SLC24A3: variants seen among roughly 807,000 people sequenced by gnomAD.
SLC24A3 encodes sodium/potassium/calcium exchanger 3.
SLC24A3 carries 28 observed loss-of-function variants against 75.8 expected under a neutral mutation model. The ratio of observed to expected loss-of-function variants is 0.37; its 90% CI spans 0.27 to 0.51. SLC24A3 has a LOEUF of 0.51. SLC24A3 is among the 20% of genes least tolerant of loss of function. SLC24A3 has a pLI of 0.94. For missense variants in SLC24A3, 663 were observed against 847.8 expected, an observed-to-expected ratio of 0.78 and a Z score of 2.71; for synonymous variants, 372 against 334.1, an observed-to-expected ratio of 1.11 and a Z score of -1.24.
At chr20:19,585,402 G>A in intron 5 of SLC24A3, 39 bp from the exon 6 acceptor site, 2 of 1,591,542 alleles carry the variant, frequency 1.3e-6, no homozygotes, top group Non-Finnish European at 1.7e-6. Flanking sequence ...AATGCAACAG[G>A]GCCACAACAG....
chr20:19,606,797 G>T (rs115252798), intron 6 of SLC24A3, among the ~76,000 whole-genome samples: 3,063 of 152,260 alleles, frequency 0.02, 109 homozygotes, highest in African/African-American at 0.069. Flanking sequence ...TGAATGAACT[G>T]GTGGTCAGAA....
intron 6 of SLC24A3, among the ~76,000 whole-genome samples, chr20:19,599,101 A>T (rs1045842289): frequency 6.6e-6 from 1 of 152,160 alleles, no homozygotes; most frequent in Non-Finnish European, 1.5e-5. Context: ...TTCATTGTAC[A>T]TATGAGAAAA....
chr20:19,652,322 A>G (rs1467770967), intron 6 of SLC24A3, among the ~76,000 whole-genome samples: 4 of 152,216 alleles, frequency 2.6e-5, no homozygotes, highest in Non-Finnish European at 5.9e-5. Context: ...GAAATTCAAA[A>G]TTGATATTTG....
intron 2 of SLC24A3, among the ~76,000 whole-genome samples, chr20:19,351,461 T>C (rs548278019): frequency 6.6e-6 from 1 of 152,302 alleles, no homozygotes; most frequent in South Asian, 2.1e-4. Flanking sequence ...CCCCAGCTTC[T>C]CCTTCCCTCT....
chr20:19,645,880 T>G (rs1264564977), intron 6 of SLC24A3, among the ~76,000 whole-genome samples: 1 of 151,850 alleles, frequency 6.6e-6, no homozygotes, highest in African/African-American at 2.4e-5. Flanking sequence ...ATGCAAAAAC[T>G]CCATCTCTAC....
At chr20:19,519,775 T>C (rs2030067458) in intron 3 of SLC24A3, among the ~76,000 whole-genome samples, 1 of 152,224 alleles carries the variant, frequency 6.6e-6, no homozygotes, top group African/African-American at 2.4e-5. Flanking sequence ...TTGTGATTTA[T>C]CAAGATCTTG....
chr20:19,693,218 A>ATTT (rs11481303), intron 12 of SLC24A3, 41 bp from the exon 13 acceptor site: 6 of 1,464,894 alleles, frequency 4.1e-6, no homozygotes, highest in Admixed American at 2.0e-5. Context: ...GTTCTTTGTT[A>ATTT]TTTTTTTTTT....
chr20:19,226,174 C>A (rs1981863965), intron 1 of SLC24A3, among the ~76,000 whole-genome samples: 1 of 152,014 alleles, frequency 6.6e-6, no homozygotes, highest in Admixed American at 6.5e-5. Context: ...AATTGATATG[C>A]TGAGGTGGTT....
chr20:19,680,643 C>T (rs1041330010), intron 9 of SLC24A3, among the ~76,000 whole-genome samples: 1 of 152,224 alleles, frequency 6.6e-6, no homozygotes, highest in African/African-American at 2.4e-5. Context: ...TGTTCTCTCT[C>T]ATGCAATGTA....
intron 3 of SLC24A3, among the ~76,000 whole-genome samples, chr20:19,540,198 T>C (rs1416944556): frequency 6.6e-6 from 1 of 152,190 alleles, no homozygotes; most frequent in African/African-American, 2.4e-5. Context: ...TATGATGTTC[T>C]GAGTCCCAGC....
chr20:19,435,793 G>A (rs1210631370), intron 2 of SLC24A3, among the ~76,000 whole-genome samples: 2 of 152,110 alleles, frequency 1.3e-5, no homozygotes, highest in Non-Finnish European at 2.9e-5. Flanking sequence ...ACAGCTCATG[G>A]TTATAGGAGA....
At chr20:19,221,051 A>G (rs1981696816) in intron 1 of SLC24A3, among the ~76,000 whole-genome samples, 2 of 152,228 alleles carry the variant, frequency 1.3e-5, no homozygotes, top group South Asian at 4.1e-4. Context: ...ACTTCTCTCC[A>G]GTTGCCTAGA....
chr20:19,650,037 C>A (rs114784558), intron 6 of SLC24A3, among the ~76,000 whole-genome samples: 1 of 152,148 alleles, frequency 6.6e-6, no homozygotes, highest in Non-Finnish European at 1.5e-5. Context: ...CATGAGTTCA[C>A]GATCACAGAT....
chr20:19,407,640 G>A (rs574164246), intron 2 of SLC24A3, among the ~76,000 whole-genome samples: 1 of 152,304 alleles, frequency 6.6e-6, no homozygotes, highest in South Asian at 2.1e-4. Flanking sequence ...GAAAAGAAAG[G>A]AAAACAAGTA....
At chr20:19,426,595 C>T (rs980119163) in intron 2 of SLC24A3, among the ~76,000 whole-genome samples, 9 of 152,138 alleles carry the variant, frequency 5.9e-5, no homozygotes, top group Non-Finnish European at 1.3e-4. Context: ...ATGCTGTGGT[C>T]AGTTATTTTG....
chr20:19,592,276 C>T (rs1407026833), intron 6 of SLC24A3, among the ~76,000 whole-genome samples: 2 of 152,150 alleles, frequency 1.3e-5, no homozygotes, highest in African/African-American at 2.4e-5. Context: ...CTGTTTAAAT[C>T]ATTGCCCATT....
intron 15 of SLC24A3, among the ~76,000 whole-genome samples, chr20:19,706,502 T>A (rs2032931779): frequency 6.6e-6 from 1 of 152,018 alleles, no homozygotes; most frequent in African/African-American, 2.4e-5. Context: ...GTGAGAAAAT[T>A]TATTTCCAAA....
chr20:19,423,766 T>C (rs1346120169), intron 2 of SLC24A3, among the ~76,000 whole-genome samples: 1 of 152,126 alleles, frequency 6.6e-6, no homozygotes. Context: ...GGGTGCCAGG[T>C]CCTGACAGTG....
At chr20:19,614,923 G>T (rs2031717385) in intron 6 of SLC24A3, among the ~76,000 whole-genome samples, 1 of 152,152 alleles carries the variant, frequency 6.6e-6, no homozygotes, top group Non-Finnish European at 1.5e-5. Flanking sequence ...GTGTGTGTGG[G>T]TATGTGTGCA....
Sources: allele counts gnomAD v4.1 joint callset (sites outside exome capture counted in the v4.1 genomes callset), GRCh38; gene constraint gnomAD v4.1.1; transcripts MANE v1.5; gene names NCBI Gene and HGNC (gene_info 2026-07-23, HGNC 2026-07-21).